The following DPP6 variants were observed in gnomAD, a reference collection of about 807,000 sequenced individuals.
DPP6 encodes the protein dipeptidyl peptidase like 6.
Under a neutral mutation model 122.6 loss-of-function variants are expected in DPP6, and 69 were observed. The observed-to-expected ratio is 0.56, with a 90% confidence interval of 0.46 to 0.69. The LOEUF (loss-of-function observed/expected upper bound fraction) is 0.69, where lower values mean the gene tolerates loss of function less well. Ranked by LOEUF, DPP6 falls within the 30% of genes least tolerant of loss-of-function variation. DPP6 has a pLI of 0.00. For synonymous variants in DPP6, 418 were observed against 433.1 expected (o/e 0.97, Z 0.43); for missense variants, 928 against 1,116.9 (o/e 0.83, Z 2.41).
At chr7:153,839,999 T>C in the DPP6 span, among the ~76,000 whole-genome samples, 1 of 152,176 alleles carries the variant, frequency 6.6e-6, no homozygotes, top group African/African-American at 2.4e-5. Flanking sequence ...GATTTTGGCT[T>C]TGTCCAACAA....
intron 1 of DPP6, among the ~76,000 whole-genome samples, chr7:154,034,061 T>C (rs1799392921): frequency 1.3e-5 from 2 of 152,318 alleles, no homozygotes; most frequent in East Asian, 1.9e-4. Flanking sequence ...GCCACTATTC[T>C]AGTAATAGTG....
At chr7:154,750,642 C>T (rs890687702) in intron 8 of DPP6, among the ~76,000 whole-genome samples, 3 of 152,220 alleles carry the variant, frequency 2.0e-5, no homozygotes, top group Admixed American at 1.3e-4. Flanking sequence ...CGCCACGCTT[C>T]CTACCCACAC....
chr7:154,552,034 T>G (rs566937106), intron 4 of DPP6, among the ~76,000 whole-genome samples: 1 of 152,336 alleles, frequency 6.6e-6, no homozygotes, highest in Non-Finnish European at 1.5e-5. Context: ...GTAAATCATT[T>G]TAGGCATTTC....
At chr7:154,262,366 A>G (rs1803084463) in intron 1 of DPP6, among the ~76,000 whole-genome samples, 1 of 152,176 alleles carries the variant, frequency 6.6e-6, no homozygotes, top group African/African-American at 2.4e-5. Context: ...AACTTACTCT[A>G]ATATGACTGG....
intron 5 of DPP6, among the ~76,000 whole-genome samples, chr7:154,616,204 G>A (rs185581174): frequency 6.6e-6 from 1 of 152,222 alleles, no homozygotes; most frequent in East Asian, 1.9e-4. Flanking sequence ...TACATTTACA[G>A]GATGGTCAGC....
chr7:154,887,590 G>A (rs554161338), intron 22 of DPP6, 86 bp from the exon 23 acceptor site: 64 of 1,375,110 alleles, frequency 4.7e-5, no homozygotes, highest in East Asian at 1.6e-4. Flanking sequence ...CCCCGCACCC[G>A]GTCCAGGGCC....
chr7:154,813,460 C>T (rs542113428), intron 16 of DPP6, among the ~76,000 whole-genome samples: 71 of 152,136 alleles, frequency 4.7e-4, no homozygotes, highest in African/African-American at 1.5e-3. Flanking sequence ...AAAATATATT[C>T]GAATACAATA....
At chr7:154,751,219 G>A (rs1843364608) in intron 8 of DPP6, among the ~76,000 whole-genome samples, 1 of 152,108 alleles carries the variant, frequency 6.6e-6, no homozygotes, top group African/African-American at 2.4e-5. Flanking sequence ...CTATCCTGGT[G>A]GTCTCCCTAT....
chr7:153,768,526 TG>T, the DPP6 span, among the ~76,000 whole-genome samples: 1 of 152,156 alleles, frequency 6.6e-6, no homozygotes, highest in South Asian at 2.1e-4. Flanking sequence ...CTTCAACACT[TG>T]ATGTTATCAC....
intron 1 of DPP6, among the ~76,000 whole-genome samples, chr7:154,317,546 A>C (rs1039491137): frequency 6.6e-6 from 1 of 152,188 alleles, no homozygotes; most frequent in Non-Finnish European, 1.5e-5. Context: ...CTAGTTCTAT[A>C]GTGATACTAT....
chr7:154,114,855 T>C (rs1273961060), intron 1 of DPP6, among the ~76,000 whole-genome samples: 1 of 152,192 alleles, frequency 6.6e-6, no homozygotes, highest in Non-Finnish European at 1.5e-5. Flanking sequence ...ATCTGAGCAT[T>C]CATATCTGTG....
intron 1 of DPP6, among the ~76,000 whole-genome samples, chr7:154,285,283 A>C (rs913123819): frequency 2.6e-5 from 4 of 152,016 alleles, no homozygotes; most frequent in Admixed American, 6.6e-5. Flanking sequence ...TGTTGTTTTG[A>C]GATGGAGTTT....
intron 1 of DPP6, among the ~76,000 whole-genome samples, chr7:154,374,900 C>T (rs1317334647): frequency 6.6e-6 from 1 of 152,216 alleles, no homozygotes; most frequent in Non-Finnish European, 1.5e-5. Flanking sequence ...GCGTGAGCCA[C>T]CGCGCCCGGC....
the DPP6 span, among the ~76,000 whole-genome samples, chr7:153,842,010 A>G: frequency 6.6e-6 from 1 of 152,358 alleles, no homozygotes; most frequent in South Asian, 2.1e-4. Flanking sequence ...TTGATGATCC[A>G]GTGGCAAAGA....
intron 16 of DPP6, among the ~76,000 whole-genome samples, chr7:154,838,066 G>A (rs547864555): frequency 1.2e-4 from 19 of 152,276 alleles, no homozygotes; most frequent in Middle Eastern, 6.8e-3. Context: ...CAGCAGCCAC[G>A]TTAGGATGCT....
Position 154,063,167 on chromosome 7 carries a change from C to T in DPP6, c.243+10104C>T, listed in dbSNP as rs1196117715. Reference sequence around the variant, plus strand: ...GGGGACTGAGAGCTATCCCCTTTTCCGCCCCTGGCTGTTAGTACCCCCATC... The same window carrying T: ...GGGGACTGAGAGCTATCCCCTTTTCTGCCCCTGGCTGTTAGTACCCCCATC... On this transcript the variant is annotated intron_variant, in intron 1 of 25. Transcript: ENST00000377770. Among the ~76,000 whole-genome samples the T allele has an allele frequency of 1.2e-4, 15 of 122,578 alleles. 1 individual carries two copies. The highest frequency in any genetic ancestry group is 5.6e-3 in the Middle Eastern group (1 of 178). The allele number at this position is 122,578 out of a possible 152,430, so 80.4% of individuals were successfully genotyped here.
intron 7 of DPP6, 83 bp downstream of exon 7, chr7:154,669,524 G>A (rs1838415851): frequency 2.7e-6 from 4 of 1,498,824 alleles, no homozygotes; most frequent in South Asian, 1.3e-5. Flanking sequence ...ACTGTACTCA[G>A]CCTGTACATG....
chr7:154,077,671 TTA>T (rs1218539102), intron 1 of DPP6, among the ~76,000 whole-genome samples: 1 of 140,488 alleles, frequency 7.1e-6, no homozygotes, highest in African/African-American at 2.5e-5. Flanking sequence ...TTTATTATTA[TTA>T]TTATTTTTTT....
chr7:154,600,301 G>A lies in DPP6; in HGVS notation c.627+33385G>A, dbSNP rs776431091. On this transcript the variant is annotated intron_variant, in intron 5 of 25. Coordinates refer to ENST00000377770, the MANE Select transcript of DPP6 (RefSeq NM_130797.4). Reference sequence around the variant, plus strand: ...TGCCACCGTGCCCGGCTAATTTTTCGTATTTTTTGTAGACATGGGGTTTCA... The same window carrying A: ...TGCCACCGTGCCCGGCTAATTTTTCATATTTTTTGTAGACATGGGGTTTCA... Among the ~76,000 whole-genome samples the A allele has an allele frequency of 5.2e-5, 6 of 116,086 alleles. 2 individuals carry two copies. The highest frequency in any genetic ancestry group is 1.2e-4 in the Non-Finnish European group (6 of 51,970). 76.2% of individuals were successfully genotyped at this position (116,086 alleles called of 152,430 possible). A position where few individuals can be genotyped will look rare whatever the true frequency, so the allele number is the denominator to read the frequency against.
Sources: gnomAD v4.1 joint callset for allele counts (sites outside exome capture counted in the v4.1 genomes callset) on GRCh38, gnomAD v4.1.1 for gene constraint, MANE v1.5 for transcripts, NCBI Gene and HGNC (gene_info 2026-07-23, HGNC 2026-07-21) for gene names.